CRYBG1: variants seen among roughly 807,000 people sequenced by gnomAD.
The protein encoded by CRYBG1 is beta/gamma crystallin domain-containing protein 1.
Under a neutral mutation model 189.2 loss-of-function variants are expected in CRYBG1, and 139 were observed. That is an observed-to-expected ratio of 0.73 (90% CI 0.64 to 0.85). The LOEUF (loss-of-function observed/expected upper bound fraction) is 0.85, where lower values mean the gene tolerates loss of function less well. Ranked by LOEUF, CRYBG1 falls within the 40% of genes least tolerant of loss-of-function variation. The pLI is 0.00. For missense variants in CRYBG1, 2,611 were observed against 2,675.8 expected, an observed-to-expected ratio of 0.98 and a Z score of 0.53; for synonymous variants, 1,023 against 1,017.1, an observed-to-expected ratio of 1.01 and a Z score of -0.11.
intron 1 of CRYBG1, among the ~76,000 whole-genome samples, chr6:106,439,050 GA>G (rs11313505): frequency 0.64 from 84,071 of 131,484 alleles, 25,482 homozygotes; most frequent in East Asian, 0.72. Context: ...CTTAAAAAAT[GA>G]AAAAAAAAAA....
At chr6:106,402,034 A>G (rs1405564297) in intron 1 of CRYBG1, among the ~76,000 whole-genome samples, 1 of 137,990 alleles carries the variant, frequency 7.2e-6, no homozygotes, top group East Asian at 2.2e-4. Context: ...TCATGAGTGA[A>G]CTCCCATTCA....
intron 1 of CRYBG1, among the ~76,000 whole-genome samples, chr6:106,376,523 AGTTAG>A (rs1770166056): frequency 6.6e-6 from 1 of 151,954 alleles, no homozygotes; most frequent in Admixed American, 6.6e-5. Context: ...GTCAGGCTGG[AGTTAG>A]GTAATGGTTT....
chr6:106,484,175 G>A (rs9486367), intron 2 of CRYBG1, among the ~76,000 whole-genome samples: 22,154 of 152,086 alleles, frequency 0.15, 3,097 homozygotes, highest in African/African-American at 0.36. Flanking sequence ...TTTTGGGGGG[G>A]CACTATATTT....
chr6:106,416,526 T>G (rs1771024158), intron 1 of CRYBG1, among the ~76,000 whole-genome samples: 1 of 152,242 alleles, frequency 6.6e-6, no homozygotes, highest in Non-Finnish European at 1.5e-5. Context: ...CTGCTGTATG[T>G]TAGTACCTCT....
intron 2 of CRYBG1, among the ~76,000 whole-genome samples, chr6:106,469,473 ATTTC>A (rs531451384): frequency 1.6e-3 from 249 of 152,284 alleles, no homozygotes; most frequent in South Asian, 6.6e-3. Context: ...CTTGGTAAAT[ATTTC>A]TTGAATGAAG....
At chr6:106,386,720 A>G (rs1770397541) in intron 1 of CRYBG1, among the ~76,000 whole-genome samples, 1 of 152,236 alleles carries the variant, frequency 6.6e-6, no homozygotes, top group Admixed American at 6.5e-5. Context: ...ACCGCTAGAC[A>G]TACCATCAAG....
chr6:106,527,227 C>A, intron 6 of CRYBG1, 78 bp from the exon 7 acceptor site: 2 of 1,257,158 alleles, frequency 1.6e-6, no homozygotes, highest in Non-Finnish European at 2.2e-6. Flanking sequence ...TATAAAATGG[C>A]AATTAGCCAG....
At chr6:106,534,945 T>C (rs1411173414) in intron 8 of CRYBG1, among the ~76,000 whole-genome samples, 4 of 152,214 alleles carry the variant, frequency 2.6e-5, no homozygotes, top group Non-Finnish European at 5.9e-5. Context: ...AGACAAGCTT[T>C]GGTCACTTTC....
chr6:106,452,259 A>T (rs1484591645), intron 2 of CRYBG1, among the ~76,000 whole-genome samples: 1 of 148,580 alleles, frequency 6.7e-6, no homozygotes, highest in Non-Finnish European at 1.5e-5. Context: ...AAAAAAAAAA[A>T]AAAAAACAAA....
chr6:106,404,980 C>T lies in CRYBG1; in HGVS notation c.173+43899C>T, dbSNP rs148701835. Among the ~76,000 whole-genome samples, 230 of 151,958 alleles carry T rather than the reference C, an allele frequency of 1.5e-3. 3 individuals carry two copies. The highest frequency in any genetic ancestry group is 5.0e-3 in the African/African-American group (205 of 41,412). On this transcript the variant is annotated intron_variant, in intron 1 of 21. Coordinates refer to ENST00000633556, the MANE Select transcript of CRYBG1 (RefSeq NM_001371242.2). Reference sequence around the variant, plus strand: ...CTGTTTGGGCAGACACCAAGCTAGCCGCAGTTTTTTTTTTTTCATACCCCA... The same window carrying T: ...CTGTTTGGGCAGACACCAAGCTAGCTGCAGTTTTTTTTTTTTCATACCCCA...
At chr6:106,385,868 T>C (rs952562427) in intron 1 of CRYBG1, among the ~76,000 whole-genome samples, 1 of 152,196 alleles carries the variant, frequency 6.6e-6, no homozygotes, top group Non-Finnish European at 1.5e-5. Flanking sequence ...AGTAAAGAGC[T>C]TCTTGGCTTT....
At chr6:106,502,174 G>A (rs1773026833) in intron 2 of CRYBG1, among the ~76,000 whole-genome samples, 1 of 152,188 alleles carries the variant, frequency 6.6e-6, no homozygotes. Context: ...TTTATACATG[G>A]ATGACCCAAC....
Position 106,512,131 on chromosome 6 carries a change from C to T in CRYBG1, c.1014C>T (p.Gly338=). ...ACGCCCGCAGCCAGCCCCCCAAGGGCGCGTCTGATTTGCCAGGTGAGCCTC... is the reference window on the plus strand; with the variant it reads ...ACGCCCGCAGCCAGCCCCCCAAGGGTGCGTCTGATTTGCCAGGTGAGCCTC... ...PRNARSQPPK[G]ASDLPGEPPA... is the part of the protein sequence containing the mutation. Residue 338 remains glycine, a synonymous_variant, in exon 3 of 22, where the codon GGC becomes GGT. Transcript: ENST00000633556. The T allele has an allele frequency of 1.3e-6, 2 of 1,534,390 alleles. No individual in the cohort carries two copies. The highest frequency in any genetic ancestry group is 2.7e-5 in the African/African-American group (2 of 73,120).
chr6:106,442,832 C>T (rs1168912099), intron 1 of CRYBG1, among the ~76,000 whole-genome samples: 6 of 152,158 alleles, frequency 3.9e-5, no homozygotes, highest in Non-Finnish European at 2.9e-5. Context: ...TAAAATATAA[C>T]AAAATTGCCT....
chr6:106,512,780 A>G lies in CRYBG1; in HGVS notation c.1663A>G (p.Thr555Ala). 1.3e-6 allele frequency: 2 copies of G among 1,583,032 alleles called. No individual in the cohort carries two copies. Among genetic ancestry groups the G allele is most frequent in the Non-Finnish European group, 1.7e-6 (2 of 1,164,414 alleles). ...CGATCCCAGCCCAGTCACCAAGGGC[A>G]CTGCGGCCGAGAGCGGGGAGGAGGC... ...VPDPSPVTKG[T>A]AAESGEEAAR... The change falls in exon 3 of 22, where the codon ACT becomes GCT. Residue 555 changes from threonine to alanine, a missense_variant. Thr to Ala is a moderately conservative substitution (Grantham distance 58, BLOSUM62 0). Transcript: ENST00000633556.
At chr6:106,567,821 A>G in intron 21 of CRYBG1, among the ~76,000 whole-genome samples, 1 of 152,194 alleles carries the variant, frequency 6.6e-6, no homozygotes, top group East Asian at 1.9e-4. Context: ...GGTAACAGGG[A>G]GAGAGTTCAT....
chr6:106,570,652 C>G lies in CRYBG1; in HGVS notation c.*2086C>G, dbSNP rs1007929449. The stretch of plus-strand genomic sequence containing the variant: ...AACGAGGATGAGTGAGGTCCTGGCT[C>G]AAGTATTTTACTCCCACTACCACCT... On this transcript the variant is annotated 3_prime_UTR_variant, in exon 22 of 22. Coordinates refer to ENST00000633556, the MANE Select transcript of CRYBG1 (RefSeq NM_001371242.2). 1 of 152,154 alleles carries G rather than the reference C, an allele frequency of 6.6e-6. No homozygotes were observed. The highest frequency in any genetic ancestry group is 2.4e-5 in the African/African-American group (1 of 41,436). 9.4% of individuals were successfully genotyped at this position (152,154 alleles called of 1,614,324 possible).
At chr6:106,458,237 T>C (rs1348337967) in intron 2 of CRYBG1, among the ~76,000 whole-genome samples, 2 of 152,230 alleles carry the variant, frequency 1.3e-5, no homozygotes, top group African/African-American at 2.4e-5. Context: ...ACAATCCTGA[T>C]TGCATTGTCA....
chr6:106,502,079 G>A (rs185628134), intron 2 of CRYBG1, among the ~76,000 whole-genome samples: 31 of 152,144 alleles, frequency 2.0e-4, no homozygotes, highest in African/African-American at 6.7e-4. Flanking sequence ...GTGCCTGGTC[G>A]GGGCAGGCAG....
Sources: allele counts gnomAD v4.1 joint callset (sites outside exome capture counted in the v4.1 genomes callset), GRCh38; gene constraint gnomAD v4.1.1; transcripts MANE v1.5; gene names NCBI Gene and HGNC (gene_info 2026-07-23, HGNC 2026-07-21).